The following SPAG16 variants were observed in gnomAD, a reference collection of about 807,000 sequenced individuals.
SPAG16 encodes the protein sperm-associated antigen 16 protein.
In SPAG16, 86 loss-of-function variants were observed where a neutral mutation model predicts 80.4. The ratio of observed to expected loss-of-function variants is 1.07; its 90% CI spans 0.90 to 1.28. The LOEUF (loss-of-function observed/expected upper bound fraction) is 1.28. SPAG16 is among the 50% of genes most tolerant of loss of function. SPAG16 has a pLI of 0.00. For missense variants in SPAG16, 870 were observed against 765.3 expected, an observed-to-expected ratio of 1.14 and a Z score of -1.61; for synonymous variants, 294 against 265.9, an observed-to-expected ratio of 1.11 and a Z score of -1.03.
At chr2:213,516,951 G>A (rs879450590) in intron 10 of SPAG16, among the ~76,000 whole-genome samples, 30 of 152,010 alleles carry the variant, frequency 2.0e-4, no homozygotes, top group Non-Finnish European at 4.3e-4. Context: ...ACATTTCTGA[G>A]GAAGTCCTAG....
intron 9 of SPAG16, among the ~76,000 whole-genome samples, chr2:213,461,660 A>G (rs1455404939): frequency 1.3e-5 from 2 of 152,244 alleles, no homozygotes; most frequent in South Asian, 2.1e-4. Context: ...GGCAAGTGCC[A>G]TTAATCAAAA....
At chr2:214,132,573 A>G (rs1417553161) in intron 14 of SPAG16, among the ~76,000 whole-genome samples, 1 of 152,190 alleles carries the variant, frequency 6.6e-6, no homozygotes, top group African/African-American at 2.4e-5. Context: ...TGTCACTTAG[A>G]GGACTTTAGA....
chr2:213,839,885 G>A (rs2074283114), intron 10 of SPAG16, among the ~76,000 whole-genome samples: 1 of 152,130 alleles, frequency 6.6e-6, no homozygotes, highest in African/African-American at 2.4e-5. Flanking sequence ...CTGTAGAAAG[G>A]AGATGAGGAG....
intron 1 of SPAG16, among the ~76,000 whole-genome samples, chr2:213,287,983 G>T (rs906913819): frequency 6.6e-6 from 1 of 152,208 alleles, no homozygotes; most frequent in Non-Finnish European, 1.5e-5. Context: ...ATAGCTCACT[G>T]CAACTTCAAA....
chr2:213,538,314 A>T (rs1267616210), intron 10 of SPAG16, among the ~76,000 whole-genome samples: 1 of 152,088 alleles, frequency 6.6e-6, no homozygotes, highest in Non-Finnish European at 1.5e-5. Context: ...ATTAGGTAGG[A>T]TGTGATGTTA....
intron 10 of SPAG16, among the ~76,000 whole-genome samples, chr2:213,717,566 T>TA (rs2066295331): frequency 6.6e-6 from 1 of 151,700 alleles, no homozygotes; most frequent in South Asian, 2.1e-4. Flanking sequence ...TTTTTTTTTT[T>TA]AAACAAGTTT....
At chr2:213,910,398 AG>A (rs2077612304) in intron 11 of SPAG16, among the ~76,000 whole-genome samples, 1 of 152,222 alleles carries the variant, frequency 6.6e-6, no homozygotes, top group Non-Finnish European at 1.5e-5. Flanking sequence ...ACAAAACAAA[AG>A]TCTTAACTAG....
At chr2:213,701,118 T>G (rs10932493) in intron 10 of SPAG16, among the ~76,000 whole-genome samples, 40,261 of 152,084 alleles carry the variant, frequency 0.26, 6,308 homozygotes, top group Middle Eastern at 0.42. Context: ...CACCTGCCTG[T>G]ACTCCCAGCT....
chr2:213,978,249 T>A (rs187369501), intron 12 of SPAG16, among the ~76,000 whole-genome samples: 536 of 152,218 alleles, frequency 3.5e-3, no homozygotes, highest in Non-Finnish European at 5.8e-3. Flanking sequence ...TAATGGAAAT[T>A]TCCTCAGCTG....
intron 10 of SPAG16, among the ~76,000 whole-genome samples, chr2:213,683,168 A>G (rs998355785): frequency 3.9e-5 from 6 of 152,340 alleles, no homozygotes; most frequent in South Asian, 2.1e-4. Flanking sequence ...TTAAAACAAT[A>G]AAGTTTTCCT....
At chr2:213,779,382 A>T (rs1027627865) in intron 10 of SPAG16, among the ~76,000 whole-genome samples, 4 of 152,228 alleles carry the variant, frequency 2.6e-5, no homozygotes, top group African/African-American at 7.2e-5. Flanking sequence ...AAATGAATTT[A>T]AAAATTTTAA....
chr2:214,178,943 G>C (rs1029349959), intron 15 of SPAG16, among the ~76,000 whole-genome samples: 3 of 151,150 alleles, frequency 2.0e-5, no homozygotes, highest in Admixed American at 1.3e-4. Context: ...TTAGTAGAAA[G>C]CTTATACAAT....
chr2:213,467,404 G>A (rs2072759143), intron 9 of SPAG16, among the ~76,000 whole-genome samples: 1 of 152,178 alleles, frequency 6.6e-6, no homozygotes, highest in Non-Finnish European at 1.5e-5. Context: ...CCCTTATGAG[G>A]TAAAATATCC....
At chr2:213,845,186 T>C (rs1211599442) in intron 10 of SPAG16, among the ~76,000 whole-genome samples, 1 of 137,938 alleles carries the variant, frequency 7.2e-6, no homozygotes, top group East Asian at 2.2e-4. Flanking sequence ...TTTTGTTTTA[T>C]ATATCTAGTG....
rs111442907 is a variant in SPAG16, at chr2:214,193,332, T to C, written c.1720+44066T>C. Among the ~76,000 whole-genome samples, 581 of 151,650 alleles carry C rather than the reference T, an allele frequency of 3.8e-3. 2 individuals carry two copies. The highest frequency in any genetic ancestry group is 0.013 in the African/African-American group (551 of 41,356). On this transcript the variant is annotated intron_variant, in intron 15 of 15. Coordinates refer to ENST00000331683, the MANE Select transcript of SPAG16 (RefSeq NM_024532.5). The stretch of plus-strand genomic sequence containing the variant: ...TAGAACTGCTGCACCAAGATACTCA[T>C]CCAATTAAAATTTTAAGAGCTTTTG...
intron 3 of SPAG16, 72 bp from the exon 4 acceptor site, chr2:213,309,987 C>G (rs943309548): frequency 3.2e-5 from 30 of 940,750 alleles, no homozygotes; most frequent in Non-Finnish European, 4.9e-5. Context: ...ATGAATGAGT[C>G]GAAGGCTTAT....
chr2:214,119,947 C>T (rs73076869), intron 14 of SPAG16, among the ~76,000 whole-genome samples: 5 of 152,056 alleles, frequency 3.3e-5, no homozygotes, highest in African/African-American at 1.2e-4. Context: ...GGATCTTTCT[C>T]ATACATTTTA....
intron 9 of SPAG16, among the ~76,000 whole-genome samples, chr2:213,416,272 A>G (rs2069247701): frequency 6.6e-6 from 1 of 152,214 alleles, no homozygotes; most frequent in Admixed American, 6.5e-5. Flanking sequence ...TGCCACACAC[A>G]TATGCATTGT....
At chr2:213,997,281 C>G (rs1048669637) in intron 12 of SPAG16, among the ~76,000 whole-genome samples, 1 of 152,192 alleles carries the variant, frequency 6.6e-6, no homozygotes, top group Middle Eastern at 3.4e-3. Context: ...AGGAATAATA[C>G]TATATAGAAA....
Sources: allele counts gnomAD v4.1 joint callset (sites outside exome capture counted in the v4.1 genomes callset), GRCh38; gene constraint gnomAD v4.1.1; transcripts MANE v1.5; gene names NCBI Gene and HGNC (gene_info 2026-07-23, HGNC 2026-07-21).